The following ASAP2 variants were observed in gnomAD, a reference collection of about 807,000 sequenced individuals.
The protein encoded by ASAP2 is arf-GAP with SH3 domain, ANK repeat and PH domain-containing protein 2.
A neutral mutation model predicts 131.4 loss-of-function variants in ASAP2; 45 were observed. That is an observed-to-expected ratio of 0.34 (90% confidence interval 0.27 to 0.44). The LOEUF (loss-of-function observed/expected upper bound fraction) is 0.44. Among genes scored for constraint, ASAP2 ranks in the 20% least tolerant of loss-of-function variants. ASAP2 has a pLI of 1.00. For synonymous variants in ASAP2, 510 were observed against 503.0 expected, an observed-to-expected ratio of 1.01 and a Z score of -0.19; for missense variants, 1,011 against 1,297.0, an observed-to-expected ratio of 0.78 and a Z score of 3.39.
Position 9,358,766 on chromosome 2 carries a change from G to A in ASAP2, c.1338G>A (p.Trp446Ter). The A allele has an allele frequency of 6.2e-7, 1 of 1,612,426 alleles. No homozygotes were observed. Among genetic ancestry groups the A allele is most frequent in the Non-Finnish European group, 8.5e-7 (1 of 1,179,506 alleles). ...CCDCGAPDPT[W>*]LSTNLGILTC... ...TGTTCTCTTTGGCAGATCCTACATG[G>A]CTTTCCACCAACCTGGGCATCCTGA... is the stretch of plus-strand genomic sequence containing the variant. The change falls in exon 15 of 28, where the codon TGG becomes TGA. Residue 446 changes from tryptophan to a stop codon, truncating the protein, a stop_gained. Coordinates refer to ENST00000281419, the MANE Select transcript of ASAP2 (RefSeq NM_003887.3). LOFTEE classifies it high-confidence loss of function.
chr2:9,207,418 C>T lies in ASAP2; in HGVS notation c.126+188C>T, dbSNP rs1178758471. Among the ~76,000 whole-genome samples, 1 of 152,182 alleles carries T rather than the reference C, an allele frequency of 6.6e-6. No individual in the cohort carries two copies. The highest frequency in any genetic ancestry group is 6.5e-5 in the Admixed American group (1 of 15,290). ...CTCGGAGGAGATGGGTGATGGCCAC[C>T]TTGGGCCTCTTTAAGACCTCCCCTC... is the stretch of plus-strand genomic sequence containing the variant. On this transcript the variant is annotated intron_variant, in intron 1 of 27. Coordinates refer to ENST00000281419, the MANE Select transcript of ASAP2 (RefSeq NM_003887.3). The surrounding 1 kb of genome is among the most constrained non-coding windows in gnomAD (Gnocchi z 4.1).
chr2:9,246,924 T>C (rs1664379616), intron 1 of ASAP2, among the ~76,000 whole-genome samples: 2 of 152,188 alleles, frequency 1.3e-5, no homozygotes, highest in Admixed American at 1.3e-4. Context: ...CACTGCAGCC[T>C]TGACCTCCTG....
intron 2 of ASAP2, among the ~76,000 whole-genome samples, chr2:9,289,074 C>A (rs1162564573): frequency 6.6e-6 from 1 of 152,176 alleles, no homozygotes. Context: ...ATTGTTTTCG[C>A]ATGTTTATCT....
At chr2:9,293,607 A>C (rs984107373) in intron 2 of ASAP2, among the ~76,000 whole-genome samples, 1 of 152,164 alleles carries the variant, frequency 6.6e-6, no homozygotes, top group East Asian at 1.9e-4. Context: ...TCTGTTCTCT[A>C]GTAGGAAAAT....
rs376225033 is a variant in ASAP2, at chr2:9,380,793, G to A, written c.2001G>A (p.Glu667=). 1.1e-5 allele frequency: 18 copies of A among 1,614,122 alleles called. No homozygotes were observed. The highest frequency in any genetic ancestry group is 1.7e-5 in the Admixed American group (1 of 60,030). Residue 667 remains glutamate (E), a synonymous_variant, in exon 20 of 28, where the codon GAG becomes GAA. Transcript: ENST00000281419. ...ACATTGCCAAGCGCCTCAAGCACGAGCACTGTGAGGAGCTGGTGAGTCTCC... is the reference window on the plus strand; with the variant it reads ...ACATTGCCAAGCGCCTCAAGCACGAACACTGTGAGGAGCTGGTGAGTCTCC... The part of the protein sequence containing the change: ...PLDIAKRLKH[E]HCEELLTQAL...
At chr2:9,385,973 G>A (rs1299322512) in intron 21 of ASAP2, among the ~76,000 whole-genome samples, 2 of 152,318 alleles carry the variant, frequency 1.3e-5, no homozygotes, top group South Asian at 2.1e-4. Context: ...CTGCCTTCAC[G>A]CAGGACTTGG....
chr2:9,260,978 T>G (rs1417464398), intron 1 of ASAP2, among the ~76,000 whole-genome samples: 1 of 152,116 alleles, frequency 6.6e-6, no homozygotes, highest in African/African-American at 2.4e-5. Context: ...CTGGTGAACT[T>G]TAGATTCTTG....
chr2:9,345,827 G>A lies in ASAP2; in HGVS notation c.1023+1027G>A, dbSNP rs376697505. Reference sequence around the variant, plus strand: ...CACTCAACATGGGGTCCAGAGAAACGGCCCTGAGGTTCATAAGGGAATAGA... The same window carrying A: ...CACTCAACATGGGGTCCAGAGAAACAGCCCTGAGGTTCATAAGGGAATAGA... On this transcript the variant is annotated intron_variant, in intron 11 of 27. Coordinates refer to ENST00000281419, the MANE Select transcript of ASAP2 (RefSeq NM_003887.3). Among the ~76,000 whole-genome samples, 21 of 152,206 alleles carry A rather than the reference G, an allele frequency of 1.4e-4. No individual in the cohort carries two copies. In the East Asian group the frequency reaches 3.5e-3, roughly 25 times the overall value.
chr2:9,397,602 G>A (rs1054903390), intron 24 of ASAP2, among the ~76,000 whole-genome samples: 26 of 151,218 alleles, frequency 1.7e-4, no homozygotes, highest in Non-Finnish European at 3.7e-4. Flanking sequence ...GTTCTCTTAG[G>A]GTAGGAGTCA....
Position 9,372,614 on chromosome 2 carries a change from G to A in ASAP2, c.1557-2141G>A, listed in dbSNP as rs147426668. The stretch of plus-strand genomic sequence containing the variant: ...TAATATTAAACATTGAAATATGAGC[G>A]ATGCATACATTTAAGAAAGATTCTG... On this transcript the variant is annotated intron_variant, in intron 16 of 27. Coordinates refer to ENST00000281419, the MANE Select transcript of ASAP2 (RefSeq NM_003887.3). Among the ~76,000 whole-genome samples the A allele has an allele frequency of 1.5e-4, 23 of 152,222 alleles. No homozygotes were observed. In the East Asian group the frequency reaches 3.9e-3, roughly 26 times the overall value.
In ASAP2 at chr2:9,374,947, A is replaced by G. The variant is rs765394519; in HGVS notation, c.1746+3A>G. ...AAATCCCACTGGCCAACGGACATGT[A>G]AGAGTGTGGGTTGTTGCTACTTTAA... On this transcript the variant is annotated splice_donor_region_variant and intron_variant, in intron 17 of 27. Coordinates refer to ENST00000281419, the MANE Select transcript of ASAP2 (RefSeq NM_003887.3). 1.9e-6 allele frequency: 3 copies of G among 1,595,764 alleles called. No homozygotes were observed. The highest frequency in any genetic ancestry group is 2.7e-5 in the African/African-American group (2 of 72,970).
intron 1 of ASAP2, among the ~76,000 whole-genome samples, chr2:9,227,492 C>T (rs76797410): frequency 0.026 from 4,011 of 152,272 alleles, 108 homozygotes; most frequent in Admixed American, 0.087. Flanking sequence ...AATAAGCTCT[C>T]ATTTGTATTT....
intron 3 of ASAP2, among the ~76,000 whole-genome samples, chr2:9,317,452 A>ACC (rs143802721): frequency 6.6e-6 from 1 of 150,716 alleles, no homozygotes; most frequent in Non-Finnish European, 1.5e-5. Flanking sequence ...TCTCACACAC[A>ACC]CATGTGCATT....
intron 1 of ASAP2, among the ~76,000 whole-genome samples, chr2:9,209,371 C>T (rs1436414626): frequency 1.3e-5 from 2 of 152,124 alleles, no homozygotes; most frequent in Non-Finnish European, 2.9e-5. Flanking sequence ...GTGTCTATTA[C>T]CAAAACTTGT....
chr2:9,247,368 G>A (rs1664409964), intron 1 of ASAP2, among the ~76,000 whole-genome samples: 2 of 152,154 alleles, frequency 1.3e-5, no homozygotes, highest in African/African-American at 2.4e-5. Context: ...AGTCCCAGAC[G>A]GTCCCCGGTC....
rs567127821 is a variant in ASAP2, at chr2:9,364,234, G to A, written c.1462-4191G>A. Among the ~76,000 whole-genome samples the A allele has an allele frequency of 5.3e-5, 8 of 152,186 alleles. No homozygotes were observed. In the East Asian group the frequency reaches 9.7e-4, roughly 18 times the overall value. ...ATTTAAAAATCTTATGAGACCAGGCGCAGTGGTTCACACCTATAGCTCCAG... is the reference window on the plus strand; with the variant it reads ...ATTTAAAAATCTTATGAGACCAGGCACAGTGGTTCACACCTATAGCTCCAG... On this transcript the variant is annotated intron_variant, in intron 15 of 27. Transcript: ENST00000281419.
At chr2:9,298,809 G>C (rs569016023) in intron 3 of ASAP2, among the ~76,000 whole-genome samples, 2 of 152,322 alleles carry the variant, frequency 1.3e-5, no homozygotes, top group Admixed American at 1.3e-4. Flanking sequence ...CATGCACACA[G>C]AGCTGCCTGT....
At chr2:9,385,674 C>T (rs1675206248) in intron 21 of ASAP2, among the ~76,000 whole-genome samples, 2 of 152,146 alleles carry the variant, frequency 1.3e-5, no homozygotes, top group African/African-American at 4.8e-5. Flanking sequence ...GCTATGGAGT[C>T]ATGTCATAAA....
At chr2:9,381,434 G>A (rs62118802) in intron 20 of ASAP2, among the ~76,000 whole-genome samples, 13,393 of 152,252 alleles carry the variant, frequency 0.088, 610 homozygotes, top group Non-Finnish European at 0.1. Flanking sequence ...GACACACAGC[G>A]CTCAGTAAAT....
Sources: allele counts gnomAD v4.1 joint callset (sites outside exome capture counted in the v4.1 genomes callset), GRCh38; gene constraint gnomAD v4.1.1; non-coding constraint Gnocchi (gnomAD v3.1); transcripts MANE v1.5; gene names NCBI Gene and HGNC (gene_info 2026-07-23, HGNC 2026-07-21).